Variants in MKI67 observed in about 807,000 individuals in gnomAD.
MKI67 encodes the protein proliferation marker protein Ki-67.
Under a neutral mutation model 233.5 loss-of-function variants are expected in MKI67, and 152 were observed. The ratio of observed to expected loss-of-function variants is 0.65; its 90% confidence interval spans 0.57 to 0.74. MKI67 has a LOEUF of 0.74. Ranked by LOEUF, MKI67 falls within the 30% of genes least tolerant of loss-of-function variation. MKI67 has a pLI of 0.00. For missense variants in MKI67, 3,940 were observed against 3,885.2 expected, an observed-to-expected ratio of 1.01 and a Z score of -0.37; for synonymous variants, 1,465 against 1,418.5, an observed-to-expected ratio of 1.03 and a Z score of -0.74.
At chr10:128,110,300 A>G (rs1565008780) in intron 12 of MKI67, 78 bp downstream of exon 12, 2 of 1,187,372 alleles carry the variant, frequency 1.7e-6, no homozygotes, top group Admixed American at 2.5e-5. Context: ...GAGAAGTAAT[A>G]TCATACTGCT....
In MKI67 at chr10:128,109,216, G is replaced by A; in HGVS notation, c.2624C>T (p.Ser875Leu). 6.2e-7 allele frequency: 1 copy of A among 1,614,086 alleles called. No homozygotes were observed. The highest frequency in any genetic ancestry group is 1.3e-5 in the African/African-American group (1 of 75,020). Reference protein sequence around the residue: ...PSKTVSTANRSGRSTEFRNIQ... With the variant: ...PSKTVSTANRLGRSTEFRNIQ... ...ATTCCTGAACTCTGTAGACCTTCCT[G>A]ACCTGTTTGCAGTGGATACTGTTTT... The change falls in exon 13 of 15, where the codon TCA (serine) becomes TTA (leucine). Residue 875 changes from serine to leucine, a missense_variant. By Grantham distance (145) the Ser-to-Leu change is moderately radical. Transcript: ENST00000368654.
Position 128,103,048 on chromosome 10 carries a change from G to A in MKI67, c.8792C>T (p.Thr2931Ile), listed in dbSNP as rs757410683. 6.2e-7 allele frequency: 1 copy of A among 1,614,256 alleles called. No homozygotes were observed. The highest frequency in any genetic ancestry group is 8.5e-7 in the Non-Finnish European group (1 of 1,180,042). The change falls in exon 13 of 15, where the codon ACT becomes ATT. Residue 2931 changes from threonine to isoleucine, a missense_variant. Thr to Ile is a moderately conservative substitution (Grantham distance 89). Transcript: ENST00000368654. ...FQELSQTPGHTEELANGAADS... is the reference protein window; with the variant it reads ...FQELSQTPGHIEELANGAADS... ...AGCAGCACCATTTGCCAGTTCCTCAGTGTGGCCTGGTGTTTGAGAGAGCTC... is the reference window on the plus strand; with the variant it reads ...AGCAGCACCATTTGCCAGTTCCTCAATGTGGCCTGGTGTTTGAGAGAGCTC...
At chr10:128,099,401 T>G (rs1355986723) in intron 14 of MKI67, 146 bp from the exon 15 acceptor site, 1 of 484,986 alleles carries the variant, frequency 2.1e-6, no homozygotes, top group Non-Finnish European at 3.6e-6. Flanking sequence ...GGAAATAAGT[T>G]TTAAAATATA....
Position 128,106,101 on chromosome 10 carries a change from T to C in MKI67, c.5739A>G (p.Glu1913=). The change falls in exon 13 of 15, where the codon GAA becomes GAG. Residue 1913 remains glutamate, a synonymous_variant. Transcript: ENST00000368654. ...AMHTPKAAVG[E]EKDINTFVGT... is the part of the protein sequence containing the mutation. ...CCACAAATGTGTTGATGTCTTTCTC[T>C]TCACCTACTGCTGCTTTAGGCGTGT... 6.2e-7 allele frequency: 1 copy of C among 1,614,132 alleles called. No individual in the cohort carries two copies. Among genetic ancestry groups the C allele is most frequent in the Non-Finnish European group, 8.5e-7 (1 of 1,180,036 alleles).
chr10:128,112,362 A>G lies in MKI67; in HGVS notation c.1740T>C (p.Pro580=), dbSNP rs764119022. ...EVKAQSLVIS[P]PAPSPRKTPV... ...GAGTTTTCCTAGGACTAGGAGCTGG[A>G]GGGCTTATAACCAAGCTTTGTGCCT... is the stretch of plus-strand genomic sequence containing the variant. Residue 580 remains proline (P), a synonymous_variant, in exon 9 of 15, where the codon CCT becomes CCC. Coordinates refer to ENST00000368654, the MANE Select transcript of MKI67 (RefSeq NM_002417.5). 6.2e-6 allele frequency: 10 copies of G among 1,614,170 alleles called. No individual in the cohort carries two copies. Among genetic ancestry groups the G allele is most frequent in the Non-Finnish European group, 8.5e-6 (10 of 1,180,016 alleles).
chr10:128,121,408 T>C (rs973043574), intron 4 of MKI67, among the ~76,000 whole-genome samples: 18 of 142,604 alleles, frequency 1.3e-4, no homozygotes, highest in African/African-American at 3.1e-4. Context: ...ATATATATTG[T>C]ATATGTATTA....
In MKI67 at chr10:128,112,153, G is replaced by A. The variant is rs1435627324; in HGVS notation, c.1949C>T (p.Ala650Val). 1.2e-6 allele frequency: 2 copies of A among 1,613,610 alleles called. No individual in the cohort carries two copies. Among genetic ancestry groups the A allele is most frequent in the African/African-American group, 2.7e-5 (2 of 74,898 alleles). ...CTAACCAATCAGATTTGCTTCCGAA[G>A]CACCACTTCTTCTTTTGGAACATAT... ...QMICSKRRSG[A>V]SEANLIVAKS... Residue 650 changes from alanine to valine, a missense_variant, in exon 9 of 15, where the codon GCT becomes GTT. Transcript: ENST00000368654.
intron 13 of MKI67, 126 bp from the exon 14 acceptor site, chr10:128,101,827 T>C (rs1489480749): frequency 9.3e-6 from 7 of 752,566 alleles, no homozygotes; most frequent in African/African-American, 3.5e-5. Flanking sequence ...CACTGATGAA[T>C]TGTCTAAGAG....
rs141904662 is a variant in MKI67, at chr10:128,105,242, G to A, written c.6598C>T (p.Leu2200Phe). The A allele has an allele frequency of 2.2e-3, 3,536 of 1,614,148 alleles. 5 individuals are homozygous for A. The highest frequency in any genetic ancestry group is 2.7e-3 in the Non-Finnish European group (3,135 of 1,180,032). Residue 2200 changes from leucine (L) to phenylalanine (F), a missense_variant, in exon 13 of 15, where the codon CTC becomes TTC. By Grantham distance (22) the Leu-to-Phe change is conservative (BLOSUM62 0). Transcript: ENST00000368654. ...PLEDLAGLKE[L>F]FQTPICTDKP... ...TCAGTGCATATTGGTGTCTGGAAGA[G>A]CTCTTTCAAGCCAGCCAAGTCTTCT...
Position 128,097,954 on chromosome 10 carries a change from A to G in MKI67, c.*1236T>C, listed in dbSNP as rs1214139526. 1 of 152,332 alleles carries G rather than the reference A, an allele frequency of 6.6e-6. No individual in the cohort carries two copies. The highest frequency in any genetic ancestry group is 1.5e-5 in the Non-Finnish European group (1 of 68,142). 9.4% of individuals were successfully genotyped at this position (152,332 alleles called of 1,614,324 possible). The stretch of plus-strand genomic sequence containing the variant: ...TGGCTCCCCGCCAGACACTGGGGAA[A>G]CAAACGTGGAGACAGGGCACTGCCC... On this transcript the variant is annotated 3_prime_UTR_variant, in exon 15 of 15. Transcript: ENST00000368654.
intron 4 of MKI67, among the ~76,000 whole-genome samples, chr10:128,122,306 T>A (rs1157864110): frequency 6.6e-6 from 1 of 152,172 alleles, no homozygotes; most frequent in Non-Finnish European, 1.5e-5. Context: ...TCTGTGCACG[T>A]GTTCCCTAAT....
chr10:128,110,131 G>C (rs942060987), intron 12 of MKI67, among the ~76,000 whole-genome samples: 6 of 152,162 alleles, frequency 3.9e-5, no homozygotes, highest in African/African-American at 1.4e-4. Context: ...CAATAAAGAA[G>C]CCAAAAGTGT....
rs1565011741 is a variant in MKI67 at position 128,115,028 on chromosome 10, G to A, written c.1380C>T (p.Ser460=). 6.2e-7 allele frequency: 1 copy of A among 1,612,162 alleles called. No individual in the cohort carries two copies. The highest frequency in any genetic ancestry group is 8.5e-7 in the Non-Finnish European group (1 of 1,178,226). The change falls in exon 7 of 15, where the codon TCC becomes TCT. Residue 460 remains serine (S), a synonymous_variant. Coordinates refer to ENST00000368654, the MANE Select transcript of MKI67 (RefSeq NM_002417.5). ...TGCCCAATTTCTCAGGCTTGCTGAG[G>A]GAATCCTTTTGGATCTTCCTCTCAA... The part of the protein sequence containing the change: ...TQVERKIQKD[S]LSKPEKLGTT...
At chr10:128,100,784 T>G (rs1852319820) in intron 14 of MKI67, among the ~76,000 whole-genome samples, 1 of 152,226 alleles carries the variant, frequency 6.6e-6, no homozygotes, top group Non-Finnish European at 1.5e-5. Context: ...GACCAGGAAC[T>G]CTCACATAGT....
rs1564997440 is a variant in MKI67 at position 128,101,593 on chromosome 10, GCTT to G, written c.9367_9369del (p.Lys3123del). On this transcript the variant is annotated inframe_deletion, in exon 14 of 15. Transcript: ENST00000368654. ...TCCATCTCTGGGGAGGTCTTCATGG[GCTT>G]CTTTTCATTTCTGTTTATTTCTATT... The G allele has an allele frequency of 6.2e-7, 1 of 1,614,136 alleles. No homozygotes were observed.
chr10:128,107,163 C>T lies in MKI67; in HGVS notation c.4677G>A (p.Val1559=), dbSNP rs1852521575. ...AGTTCTCTGTCAGGTCCAGTTTCTG[C>T]ACTGGAGTTCCCATAAATGCGTAGA... ...KNIYAFMGTP[V]QKLDLTENLT... Residue 1559 remains valine, a synonymous_variant, in exon 13 of 15, where the codon GTG becomes GTA. Transcript: ENST00000368654. 6.2e-7 allele frequency: 1 copy of T among 1,613,660 alleles called. No homozygotes were observed. The highest frequency in any genetic ancestry group is 1.1e-5 in the South Asian group (1 of 91,078).
chr10:128,104,750 G>C lies in MKI67; in HGVS notation c.7090C>G (p.Leu2364Val). The C allele has an allele frequency of 6.2e-7, 1 of 1,613,710 alleles. No homozygotes were observed. The highest frequency in any genetic ancestry group is 8.5e-7 in the Non-Finnish European group (1 of 1,179,974). Reference sequence around the variant, plus strand: ...TCTTCCTCTACGTCTGCTTTCCTGAGGTTTCTCTTGGGCCGTTGCTTTGTG... The same window carrying C: ...TCTTCCTCTACGTCTGCTTTCCTGACGTTTCTCTTGGGCCGTTGCTTTGTG... Reference protein sequence around the residue: ...ASTKQRPKRNLRKADVEEEFL... With the variant: ...ASTKQRPKRNVRKADVEEEFL... The change falls in exon 13 of 15, where the codon CTC becomes GTC. Residue 2364 changes from leucine (L) to valine (V), a missense_variant. Transcript: ENST00000368654.
At position 128,119,336 on chromosome 10, in the gene MKI67, G is replaced by A. The variant is rs773929243; in HGVS notation, c.288-17C>T. ...TTTTCATACCTGCAGTTTATAGAAC[G>A]ACAAAGATCCTGATTAAAAATTTAT... On this transcript the variant is annotated splice_polypyrimidine_tract_variant and intron_variant, in intron 4 of 14. Transcript: ENST00000368654. 15 of 1,561,704 alleles carry A rather than the reference G, an allele frequency of 9.6e-6. No individual in the cohort carries two copies. The highest frequency in any genetic ancestry group is 2.7e-5 in the African/African-American group (2 of 73,842).
Position 128,102,776 on chromosome 10 carries a change from C to A in MKI67, c.9064G>T (p.Val3022Leu), listed in dbSNP as rs777647636. ...LRCMPAPEEIVEELPASKKQR... is the reference protein window; with the variant it reads ...LRCMPAPEEILEELPASKKQR... ...TTCTTGCTGGCTGGCAGCTCCTCCA[C>A]AATTTCCTCTGGTGCTGGCATGCAG... The change falls in exon 13 of 15, where the codon GTG becomes TTG. Residue 3022 changes from valine (V) to leucine (L), a missense_variant. By Grantham distance (32) the Val-to-Leu change is conservative (BLOSUM62 1). Coordinates refer to ENST00000368654, the MANE Select transcript of MKI67 (RefSeq NM_002417.5). 3.7e-6 allele frequency: 6 copies of A among 1,614,116 alleles called. No homozygotes were observed. The highest frequency in any genetic ancestry group is 5.1e-6 in the Non-Finnish European group (6 of 1,180,052).
Sources: allele counts gnomAD v4.1 joint callset (sites outside exome capture counted in the v4.1 genomes callset), GRCh38; gene constraint gnomAD v4.1.1; transcripts MANE v1.5; gene names NCBI Gene and HGNC (gene_info 2026-07-23, HGNC 2026-07-21).